CPT1A: variants seen among roughly 807,000 people sequenced by gnomAD.
CPT1A encodes carnitine palmitoyltransferase 1A.
A neutral mutation model predicts 100.8 loss-of-function variants in CPT1A; 64 were observed. The ratio of observed to expected loss-of-function variants is 0.63; its 90% CI spans 0.52 to 0.78. The LOEUF is 0.78. Ranked by LOEUF, CPT1A falls within the 30% of genes least tolerant of loss-of-function variation. The pLI is 0.00. For synonymous variants in CPT1A, 363 were observed against 396.0 expected (o/e 0.92, Z 0.99); for missense variants, 802 against 1,034.1 (o/e 0.78, Z 3.08).
intron 1 of CPT1A, among the ~76,000 whole-genome samples, chr11:68,820,058 C>G (rs1285573753): frequency 6.6e-6 from 1 of 151,848 alleles, no homozygotes; most frequent in Admixed American, 6.6e-5. Flanking sequence ...GAGACAGGGT[C>G]TCGCTGTATT....
chr11:68,842,085 C>A (rs548688488), upstream of CPT1A, among the ~76,000 whole-genome samples: 27 of 152,050 alleles, frequency 1.8e-4, 1 homozygote, highest in Admixed American at 9.2e-4. Context: ...GGGTCTAGGA[C>A]GAGATTCCTC....
chr11:68,808,133 T>C (rs1856100198), intron 3 of CPT1A, among the ~76,000 whole-genome samples: 2 of 152,242 alleles, frequency 1.3e-5, no homozygotes, highest in Admixed American at 1.3e-4. Context: ...AATTTTTTTC[T>C]CTCAAACTTA....
rs557047935 is a variant in CPT1A, at chr11:68,778,975, G to A, written c.1458+1665C>T. ...TAATTTTTGTATTTTTAGTAGAGACGGGGTTTCACCGTGTTAGCCAGGATG... is the reference window on the plus strand; with the variant it reads ...TAATTTTTGTATTTTTAGTAGAGACAGGGTTTCACCGTGTTAGCCAGGATG... On this transcript the variant is annotated intron_variant, in intron 12 of 18. Transcript: ENST00000265641. 2.7e-3 allele frequency among the ~76,000 whole-genome samples: 410 copies of A among 151,920 alleles called. 3 individuals are homozygous for A. The highest frequency in any genetic ancestry group is 9.1e-3 in the African/African-American group (376 of 41,492).
chr11:68,818,724 G>A (rs1294109238), intron 1 of CPT1A: 1 of 152,202 alleles, frequency 6.6e-6, no homozygotes, highest in Non-Finnish European at 1.5e-5. Flanking sequence ...CAGGTGTGGT[G>A]GCATGGGCCT....
intron 3 of CPT1A, among the ~76,000 whole-genome samples, chr11:68,808,297 G>A (rs1227927995): frequency 6.6e-6 from 1 of 151,978 alleles, no homozygotes; most frequent in Non-Finnish European, 1.5e-5. Flanking sequence ...TTAAATACAG[G>A]AAATGTTTTT....
intron 11 of CPT1A, 58 bp from the exon 12 acceptor site, chr11:68,780,803 CAT>C: frequency 2.4e-6 from 3 of 1,238,870 alleles, no homozygotes; most frequent in Non-Finnish European, 3.6e-6. Context: ...AATGAGGAGA[CAT>C]TGCACCTCTC....
downstream of CPT1A, chr11:68,754,748 T>C (rs75022915): frequency 0.026 from 20,214 of 773,532 alleles, 371 homozygotes; most frequent in South Asian, 0.041. Context: ...GCCCAGCACA[T>C]GAACTTGGTG....
intron 18 of CPT1A, among the ~76,000 whole-genome samples, chr11:68,759,029 C>A (rs1186478026): frequency 2.0e-5 from 3 of 152,068 alleles, no homozygotes; most frequent in South Asian, 2.1e-4. Flanking sequence ...AAGAGGATCG[C>A]GTGAGCCCAG....
At chr11:68,763,697 T>G (rs1312648110) in intron 14 of CPT1A, among the ~76,000 whole-genome samples, 1 of 151,928 alleles carries the variant, frequency 6.6e-6, no homozygotes, top group African/African-American at 2.4e-5. Flanking sequence ...GGAGAGGAGG[T>G]GCTGGCAGCG....
intron 9 of CPT1A, among the ~76,000 whole-genome samples, chr11:68,791,960 A>T (rs893950552): frequency 3.9e-5 from 6 of 152,092 alleles, no homozygotes; most frequent in Admixed American, 3.3e-4. Flanking sequence ...AATGACCACC[A>T]CAGTGCACAC....
intron 15 of CPT1A, among the ~76,000 whole-genome samples, chr11:68,761,903 G>A (rs188896346): frequency 6.4e-4 from 96 of 151,100 alleles, no homozygotes; most frequent in South Asian, 2.8e-3. Flanking sequence ...GAGTCACCGC[G>A]CCCGGTCTGA....
intron 1 of CPT1A, among the ~76,000 whole-genome samples, chr11:68,830,029 C>T (rs1159591398): frequency 6.6e-6 from 1 of 152,148 alleles, no homozygotes; most frequent in Admixed American, 6.5e-5. Context: ...GAAATCCCAG[C>T]ACTTTGGGAG....
At chr11:68,758,869 C>T (rs1325792039) in intron 18 of CPT1A, among the ~76,000 whole-genome samples, 2 of 151,982 alleles carry the variant, frequency 1.3e-5, no homozygotes, top group Non-Finnish European at 2.9e-5. Context: ...TGGCCAGCCT[C>T]AGCCTCCCAA....
intron 7 of CPT1A, 29 bp from the exon 8 acceptor site, chr11:68,794,940 T>C (rs372421453): frequency 2.5e-6 from 4 of 1,574,618 alleles, no homozygotes; most frequent in Non-Finnish European, 2.6e-6. Context: ...GGAGAGAATT[T>C]GCATAGGGAA....
intron 9 of CPT1A, among the ~76,000 whole-genome samples, chr11:68,789,251 T>A (rs1403087074): frequency 6.6e-6 from 1 of 152,156 alleles, no homozygotes; most frequent in African/African-American, 2.4e-5. Context: ...CCTCTTTCCC[T>A]TTTTTTATTT....
chr11:68,821,738 C>T (rs1053789011), intron 1 of CPT1A, among the ~76,000 whole-genome samples: 1 of 151,948 alleles, frequency 6.6e-6, no homozygotes, highest in Non-Finnish European at 1.5e-5. Flanking sequence ...TGTTTTCAAT[C>T]CTTGGTTGGT....
At chr11:68,838,582 A>AAAAAAAAAAAAAAAAAAAC (rs1555235335) in intron 1 of CPT1A, among the ~76,000 whole-genome samples, 1 of 145,290 alleles carries the variant, frequency 6.9e-6, no homozygotes, top group South Asian at 2.2e-4. Flanking sequence ...TAAAAAAAAA[A>AAAAAAAAAAAAAAAAAAAC]AAAAAAAAAC....
chr11:68,794,689 G>T lies in CPT1A; in HGVS notation c.879+115C>A, dbSNP rs1313663024. The T allele has an allele frequency of 4.4e-6, 4 of 918,680 alleles. No individual in the cohort carries two copies. The East Asian group carries it at 1.0e-4, about 24-fold the overall frequency. The allele number at this position is 918,680 out of a possible 1,614,324, so 56.9% of individuals were successfully genotyped here. The stretch of plus-strand genomic sequence containing the variant: ...GCCTCCCAAAGTGCCAAGATTACAG[G>T]CGTGAGACCCTGTGCCCGGCCACAA... On this transcript the variant is annotated intron_variant, in intron 8 of 18. Transcript: ENST00000265641.
At chr11:68,798,361 TAG>T (rs1855811821) in intron 6 of CPT1A, among the ~76,000 whole-genome samples, 1 of 152,198 alleles carries the variant, frequency 6.6e-6, no homozygotes, top group African/African-American at 2.4e-5. Flanking sequence ...CCCCTGAGGC[TAG>T]AGAGACCCCT....
Sources: allele counts gnomAD v4.1 joint callset (sites outside exome capture counted in the v4.1 genomes callset), GRCh38; gene constraint gnomAD v4.1.1; transcripts MANE v1.5; gene names NCBI Gene and HGNC (gene_info 2026-07-23, HGNC 2026-07-21).